UBE2L3: variants seen among roughly 807,000 people sequenced by gnomAD.
UBE2L3 encodes the protein ubiquitin-conjugating enzyme E2 L3.
A neutral mutation model predicts 17.8 loss-of-function variants in UBE2L3; 1 was observed. The ratio of observed to expected loss-of-function variants is 0.06; its 90% CI spans 0.02 to 0.27. UBE2L3 has a LOEUF of 0.27. Among genes scored for constraint, UBE2L3 ranks in the 10% least tolerant of loss-of-function variants. UBE2L3 has a pLI of 1.00. For synonymous variants in UBE2L3, 44 were observed against 68.5 expected, an observed-to-expected ratio of 0.64 and a Z score of 1.76; for missense variants, 40 against 192.6, an observed-to-expected ratio of 0.21 and a Z score of 4.69.
chr22:21,598,993 C>A (rs1224995766), intron 2 of UBE2L3, among the ~76,000 whole-genome samples: 2 of 151,978 alleles, frequency 1.3e-5, no homozygotes, highest in African/African-American at 4.8e-5. Context: ...GCATACACCA[C>A]CACGCTCGGC....
intron 1 of UBE2L3, among the ~76,000 whole-genome samples, chr22:21,573,433 C>T (rs1000630633): frequency 6.6e-6 from 1 of 152,072 alleles, no homozygotes; most frequent in Non-Finnish European, 1.5e-5. Context: ...AGACTCAGCT[C>T]AAGGGGCAAT....
chr22:21,586,875 CTTTT>C (rs34463645), intron 1 of UBE2L3, among the ~76,000 whole-genome samples: 15 of 118,932 alleles, frequency 1.3e-4, no homozygotes, highest in East Asian at 7.9e-4. Context: ...TGTGCCCGGC[CTTTT>C]TTTTTTTTTT....
At chr22:21,567,880 A>G in intron 1 of UBE2L3, 109 bp downstream of exon 1, 1 of 1,541,472 alleles carries the variant, frequency 6.5e-7, no homozygotes, top group South Asian at 1.2e-5. Flanking sequence ...TTCCTGCCCT[A>G]CACGGCCTCG....
intron 1 of UBE2L3, among the ~76,000 whole-genome samples, chr22:21,586,718 C>A (rs1009429999): frequency 3.3e-5 from 5 of 151,920 alleles, no homozygotes; most frequent in African/African-American, 1.2e-4. Context: ...CAGGAGTCAA[C>A]CACCATGCCC....
In UBE2L3 at chr22:21,567,726, G is replaced by C. The variant is rs376221065; in HGVS notation, c.-19G>C. The C allele has an allele frequency of 8.9e-6, 14 of 1,578,984 alleles. No homozygotes were observed. Among genetic ancestry groups the C allele is most frequent in the Non-Finnish European group, 2.6e-6 (3 of 1,163,886 alleles). Reference sequence around the variant, plus strand: ...CCGGCCGCGATGCATTCTGGGGAAGGAGCAGCACCAAATCCAAGATGGCGG... The same window carrying C: ...CCGGCCGCGATGCATTCTGGGGAAGCAGCAGCACCAAATCCAAGATGGCGG... On this transcript the variant is annotated 5_prime_UTR_variant, in exon 1 of 4. Transcript: ENST00000342192.
intron 1 of UBE2L3, among the ~76,000 whole-genome samples, chr22:21,556,739 G>A (rs563290028): frequency 6.6e-6 from 1 of 151,204 alleles, no homozygotes; most frequent in South Asian, 2.1e-4. Context: ...TGAGATTACA[G>A]GCATGAGCCA....
chr22:21,592,437 C>T (rs895894699), intron 1 of UBE2L3, among the ~76,000 whole-genome samples: 3 of 151,754 alleles, frequency 2.0e-5, no homozygotes, highest in African/African-American at 4.9e-5. Context: ...TCTCAGCATC[C>T]GGTGCATAAT....
chr22:21,558,267 G>C (rs131644), intron 1 of UBE2L3, among the ~76,000 whole-genome samples: 1 of 152,152 alleles, frequency 6.6e-6, no homozygotes, highest in East Asian at 1.9e-4. Context: ...GAGGGTTTAA[G>C]CTTCCCATCC....
chr22:21,582,430 T>C (rs1376833061), intron 1 of UBE2L3, among the ~76,000 whole-genome samples: 1 of 150,878 alleles, frequency 6.6e-6, no homozygotes, highest in Non-Finnish European at 1.5e-5. Flanking sequence ...CTCGGTCTAC[T>C]GCAACCTCTG....
chr22:21,621,477 CTG>C, intron 3 of UBE2L3, 36 bp from the exon 4 acceptor site: 5 of 1,539,348 alleles, frequency 3.2e-6, no homozygotes, highest in Non-Finnish European at 3.5e-6. Flanking sequence ...ATTTCTGAGA[CTG>C]TGTTAACCCC....
intron 3 of UBE2L3, chr22:21,614,463 C>T (rs1418039172): frequency 2.9e-6 from 2 of 696,828 alleles, no homozygotes; most frequent in African/African-American, 3.8e-5. Context: ...GGGAAAAAGC[C>T]ACTTGTGCCA....
intron 3 of UBE2L3, chr22:21,614,504 CTT>C: frequency 5.0e-6 from 6 of 1,206,698 alleles, no homozygotes; most frequent in Non-Finnish European, 4.6e-6. Context: ...AGCGCTCTTC[CTT>C]TGTCTCCAGA....
chr22:21,599,845 C>A (rs1053146809), intron 2 of UBE2L3, among the ~76,000 whole-genome samples: 1 of 151,880 alleles, frequency 6.6e-6, no homozygotes, highest in African/African-American at 2.4e-5. Context: ...TTTTTCCATT[C>A]TTGGGAGAAA....
At chr22:21,615,801 T>G (rs984368806) in intron 3 of UBE2L3, among the ~76,000 whole-genome samples, 1 of 152,164 alleles carries the variant, frequency 6.6e-6, no homozygotes, top group Non-Finnish European at 1.5e-5. Flanking sequence ...CAGCTGAGGT[T>G]GTGTGGTTGA....
chr22:21,563,665 C>A (rs1331691051), upstream of UBE2L3, among the ~76,000 whole-genome samples: 2 of 147,472 alleles, frequency 1.4e-5, no homozygotes, highest in Admixed American at 6.7e-5. Flanking sequence ...CAACCTCCCC[C>A]TCCCGGGTTC....
chr22:21,598,294 T>TA (rs1174926457), intron 2 of UBE2L3, among the ~76,000 whole-genome samples: 1 of 151,770 alleles, frequency 6.6e-6, no homozygotes, highest in Non-Finnish European at 1.5e-5. Context: ...CCAGTTAGAT[T>TA]ATTGATTTCA....
At chr22:21,560,740 C>A (rs1325765222) in intron 1 of UBE2L3, among the ~76,000 whole-genome samples, 1 of 150,684 alleles carries the variant, frequency 6.6e-6, no homozygotes, top group Non-Finnish European at 1.5e-5. Context: ...CATGAGCCAC[C>A]GCTCCCGGGC....
At chr22:21,600,238 G>A (rs1004117669) in intron 2 of UBE2L3, among the ~76,000 whole-genome samples, 1 of 152,076 alleles carries the variant, frequency 6.6e-6, no homozygotes, top group Admixed American at 6.6e-5. Context: ...GCTTGAACCG[G>A]GGAGGTGGAG....
At chr22:21,574,716 T>C (rs866005143) in intron 1 of UBE2L3, among the ~76,000 whole-genome samples, 1 of 152,076 alleles carries the variant, frequency 6.6e-6, no homozygotes, top group African/African-American at 2.4e-5. Flanking sequence ...CCTGTAATCC[T>C]AGCACCTTGG....
Sources: allele counts gnomAD v4.1 joint callset (sites outside exome capture counted in the v4.1 genomes callset), GRCh38; gene constraint gnomAD v4.1.1; transcripts MANE v1.5; gene names NCBI Gene and HGNC (gene_info 2026-07-23, HGNC 2026-07-21).